Variants in CAMKMT observed in about 807,000 individuals in gnomAD.
CAMKMT encodes the protein CaM KMT.
Under a neutral mutation model 48.0 loss-of-function variants are expected in CAMKMT, and 53 were observed. The observed-to-expected ratio is 1.10, with a 90% CI of 0.89 to 1.39. CAMKMT has a LOEUF of 1.39. Ranked by LOEUF, CAMKMT falls within the 40% of genes most tolerant of loss-of-function variation. CAMKMT has a pLI of 0.00. For missense variants in CAMKMT, 428 were observed against 402.7 expected, an observed-to-expected ratio of 1.06 and a Z score of -0.54; for synonymous variants, 165 against 152.3, an observed-to-expected ratio of 1.08 and a Z score of -0.61.
At chr2:44,716,559 G>C (rs1235747531) in intron 7 of CAMKMT, among the ~76,000 whole-genome samples, 1 of 152,154 alleles carries the variant, frequency 6.6e-6, no homozygotes, top group Non-Finnish European at 1.5e-5. Flanking sequence ...AGCATATTCT[G>C]TGTTTCTCAT....
chr2:44,513,930 G>C (rs1189366403), intron 3 of CAMKMT, among the ~76,000 whole-genome samples: 1 of 151,796 alleles, frequency 6.6e-6, no homozygotes, highest in Non-Finnish European at 1.5e-5. Flanking sequence ...ATGAAACCCC[G>C]TCTCTACAAA....
intron 8 of CAMKMT, among the ~76,000 whole-genome samples, chr2:44,751,662 G>T (rs776096730): frequency 5.3e-5 from 8 of 152,172 alleles, no homozygotes; most frequent in Non-Finnish European, 1.2e-4. Flanking sequence ...TGTAACCTCC[G>T]TAAGGACAGG....
intron 3 of CAMKMT, among the ~76,000 whole-genome samples, chr2:44,640,531 C>A (rs1302356290): frequency 1.3e-5 from 2 of 152,124 alleles, no homozygotes; most frequent in Non-Finnish European, 2.9e-5. Context: ...AGTTACCTAA[C>A]CTCTGTAGTC....
At chr2:44,482,814 C>T (rs1298868326) in intron 3 of CAMKMT, among the ~76,000 whole-genome samples, 1 of 152,046 alleles carries the variant, frequency 6.6e-6, no homozygotes, top group East Asian at 1.9e-4. Context: ...GTATCATAAA[C>T]ACTCCAGATA....
chr2:44,765,729 T>G (rs1680814816), intron 9 of CAMKMT, among the ~76,000 whole-genome samples: 1 of 152,166 alleles, frequency 6.6e-6, no homozygotes, highest in Admixed American at 6.5e-5. Context: ...GTGTGGATTA[T>G]TTAGAAAAGG....
chr2:44,671,655 A>G (rs570508185), intron 3 of CAMKMT, among the ~76,000 whole-genome samples: 4 of 152,140 alleles, frequency 2.6e-5, no homozygotes, highest in Non-Finnish European at 4.4e-5. Context: ...GAGACATCTC[A>G]TGCCTTATTT....
intron 3 of CAMKMT, among the ~76,000 whole-genome samples, chr2:44,619,088 A>C (rs747793931): frequency 2.6e-5 from 4 of 152,204 alleles, no homozygotes; most frequent in Non-Finnish European, 5.9e-5. Flanking sequence ...AAACAGAAGG[A>C]TGGAAACATA....
intron 3 of CAMKMT, among the ~76,000 whole-genome samples, chr2:44,674,158 T>A (rs1675529692): frequency 6.6e-6 from 1 of 152,244 alleles, no homozygotes. Context: ...GGATACCTCA[T>A]TACTTCATCA....
rs548383150 is a variant in CAMKMT, at chr2:44,568,760, G to C, written c.377-135523G>C. Among the ~76,000 whole-genome samples, 3 of 152,280 alleles carry C rather than the reference G, an allele frequency of 2.0e-5. No individual in the cohort carries two copies. In the South Asian group the frequency reaches 6.2e-4, roughly 32 times the overall value. On this transcript the variant is annotated intron_variant, in intron 3 of 10. Transcript: ENST00000378494. ...ACATTGAAAGTACAAAGCTGGGGAAGTGACATGTGCAGCCCCTGCTTACAG... is the reference window on the plus strand; with the variant it reads ...ACATTGAAAGTACAAAGCTGGGGAACTGACATGTGCAGCCCCTGCTTACAG...
At chr2:44,563,239 T>A (rs1410323885) in intron 3 of CAMKMT, among the ~76,000 whole-genome samples, 8 of 151,718 alleles carry the variant, frequency 5.3e-5, no homozygotes, top group Non-Finnish European at 1.0e-4. Context: ...TATATACAAA[T>A]TTTTGTTTCT....
At chr2:44,715,565 A>G (rs912840538) in intron 7 of CAMKMT, among the ~76,000 whole-genome samples, 1 of 152,198 alleles carries the variant, frequency 6.6e-6, no homozygotes, top group Non-Finnish European at 1.5e-5. Context: ...TTAATAGATG[A>G]GAAAACAAGA....
At chr2:44,640,699 A>C (rs1049293477) in intron 3 of CAMKMT, among the ~76,000 whole-genome samples, 9 of 152,210 alleles carry the variant, frequency 5.9e-5, no homozygotes, top group African/African-American at 1.7e-4. Context: ...AGTACTACTA[A>C]TAATAATGTC....
At chr2:44,464,576 C>A (rs1668014266) in intron 3 of CAMKMT, among the ~76,000 whole-genome samples, 1 of 152,132 alleles carries the variant, frequency 6.6e-6, no homozygotes, top group African/African-American at 2.4e-5. Context: ...ATCTGCAAAG[C>A]AGCAAGAGAA....
At chr2:44,596,756 A>G (rs759288387) in intron 3 of CAMKMT, among the ~76,000 whole-genome samples, 6 of 152,192 alleles carry the variant, frequency 3.9e-5, no homozygotes, top group Non-Finnish European at 7.3e-5. Context: ...AACCGTGGAA[A>G]TCTCACCCCG....
At chr2:44,462,243 CAT>C (rs1572566195) in intron 3 of CAMKMT, among the ~76,000 whole-genome samples, 1 of 152,026 alleles carries the variant, frequency 6.6e-6, no homozygotes, top group South Asian at 2.1e-4. Flanking sequence ...AAAAATAAAA[CAT>C]ATTCTCATTA....
chr2:44,473,161 A>G (rs1668512844), intron 3 of CAMKMT, among the ~76,000 whole-genome samples: 1 of 152,204 alleles, frequency 6.6e-6, no homozygotes, highest in South Asian at 2.1e-4. Context: ...CAACACTACT[A>G]AAAAGAAAAT....
intron 3 of CAMKMT, among the ~76,000 whole-genome samples, chr2:44,525,951 G>T (rs916376669): frequency 6.6e-6 from 1 of 152,012 alleles, no homozygotes; most frequent in Non-Finnish European, 1.5e-5. Flanking sequence ...CTGGTGTGCT[G>T]CACCCATTAA....
At chr2:44,438,468 AAAAT>A (rs1350538080) in intron 3 of CAMKMT, among the ~76,000 whole-genome samples, 1 of 152,250 alleles carries the variant, frequency 6.6e-6, no homozygotes, top group Non-Finnish European at 1.5e-5. Flanking sequence ...TATAATTACA[AAAAT>A]AATAAGAGTT....
At chr2:44,413,639 G>A (rs1478614298) in intron 3 of CAMKMT, among the ~76,000 whole-genome samples, 2 of 148,708 alleles carry the variant, frequency 1.3e-5, no homozygotes, top group Non-Finnish European at 3.0e-5. Flanking sequence ...GTGACAGAGT[G>A]AGACTCCGTC....
Sources: allele counts gnomAD v4.1 joint callset (sites outside exome capture counted in the v4.1 genomes callset), GRCh38; gene constraint gnomAD v4.1.1; transcripts MANE v1.5; gene names NCBI Gene and HGNC (gene_info 2026-07-23, HGNC 2026-07-21).